Variants in FGD6 observed in about 807,000 individuals in gnomAD.
FGD6 encodes the protein FYVE, RhoGEF and PH domain-containing protein 6.
In FGD6, 90 loss-of-function variants were observed where a neutral mutation model predicts 149.4. The ratio of observed to expected loss-of-function variants is 0.60; its 90% CI spans 0.51 to 0.72. The LOEUF is 0.72. Ranked by LOEUF, FGD6 falls within the 30% of genes least tolerant of loss-of-function variation. FGD6 has a pLI of 0.00. For missense variants in FGD6, 1,437 were observed against 1,684.8 expected (o/e 0.85, Z 2.57); for synonymous variants, 527 against 584.0 (o/e 0.90, Z 1.41).
chr12:95,141,060 A>G (rs1382493472), intron 6 of FGD6, among the ~76,000 whole-genome samples: 3 of 152,062 alleles, frequency 2.0e-5, no homozygotes, highest in Non-Finnish European at 4.4e-5. Context: ...CATCTCTACT[A>G]AAAATACAAA....
chr12:95,197,719 G>A (rs909233675), intron 2 of FGD6, among the ~76,000 whole-genome samples: 3 of 152,162 alleles, frequency 2.0e-5, no homozygotes, highest in Non-Finnish European at 4.4e-5. Context: ...AGAACAAAAT[G>A]AGAAACAGGG....
chr12:95,110,258 G>T (rs1264224246), intron 9 of FGD6, among the ~76,000 whole-genome samples: 22 of 152,010 alleles, frequency 1.4e-4, no homozygotes, highest in East Asian at 5.8e-4. Context: ...TTACAGGTGT[G>T]AGCCACCACA....
At chr12:95,150,425 C>G (rs1880277036) in intron 5 of FGD6, among the ~76,000 whole-genome samples, 2 of 152,044 alleles carry the variant, frequency 1.3e-5, no homozygotes, top group African/African-American at 2.4e-5. Flanking sequence ...ATAAGACAAC[C>G]AAAAACCTTC....
At chr12:95,085,569 T>C (rs1877839021) in intron 19 of FGD6, 3 of 529,764 alleles carry the variant, frequency 5.7e-6, no homozygotes, top group Non-Finnish European at 9.5e-6. Context: ...ATTTTAATAA[T>C]ATGGAAAATT....
At chr12:95,153,052 A>T in intron 3 of FGD6, 59 bp from the exon 4 acceptor site, 1 of 1,480,254 alleles carries the variant, frequency 6.8e-7, no homozygotes, top group East Asian at 2.3e-5. Flanking sequence ...ATCAGCTATG[A>T]GCTAGTCAGA....
Position 95,134,453 on chromosome 12 carries a change from G to A in FGD6, c.3082+286C>T, listed in dbSNP as rs144722076. 1.2e-3 allele frequency among the ~76,000 whole-genome samples: 183 copies of A among 152,220 alleles called. 1 individual carries two copies. Among genetic ancestry groups the A allele is most frequent in the Admixed American group, 1.8e-3 (28 of 15,270 alleles). ...ATATTAGCCAGGTGAAATGATGCACGGGTATGGGCTTGGGATGGTCAAAGA... is the reference window on the plus strand; with the variant it reads ...ATATTAGCCAGGTGAAATGATGCACAGGTATGGGCTTGGGATGGTCAAAGA... On this transcript the variant is annotated intron_variant, in intron 8 of 20. Coordinates refer to ENST00000343958, the MANE Select transcript of FGD6 (RefSeq NM_018351.4).
chr12:95,108,619 G>T lies in FGD6; in HGVS notation c.3134-58C>A, dbSNP rs937400402. 7 of 1,578,130 alleles carry T rather than the reference G, an allele frequency of 4.4e-6. No homozygotes were observed. The Admixed American group carries it at 6.7e-5, about 15-fold the overall frequency. ...TAATTACAATGGAAACAAATAGTTT[G>T]CAACATTAAGCAATTCCAGGGGACA... is the stretch of plus-strand genomic sequence containing the variant. On this transcript the variant is annotated intron_variant, in intron 9 of 20. Coordinates refer to ENST00000343958, the MANE Select transcript of FGD6 (RefSeq NM_018351.4).
chr12:95,098,054 TATATG>T (rs1878298510), intron 14 of FGD6, among the ~76,000 whole-genome samples: 1 of 152,134 alleles, frequency 6.6e-6, no homozygotes, highest in African/African-American at 2.4e-5. Flanking sequence ...GGTGCCCAAA[TATATG>T]TCTCTGGCCC....
intron 6 of FGD6, among the ~76,000 whole-genome samples, chr12:95,140,655 C>T (rs1428965591): frequency 6.6e-6 from 1 of 152,116 alleles, no homozygotes; most frequent in Non-Finnish European, 1.5e-5. Flanking sequence ...AACAACCATC[C>T]TATTATTTCA....
At chr12:95,100,076 A>G (rs1056062608) in intron 14 of FGD6, among the ~76,000 whole-genome samples, 1 of 108,612 alleles carries the variant, frequency 9.2e-6, no homozygotes, top group Non-Finnish European at 1.9e-5. Flanking sequence ...CCCACCCCAT[A>G]TAAGTTCTTG....
chr12:95,177,750 T>C (rs921019716), intron 2 of FGD6, among the ~76,000 whole-genome samples: 2 of 152,204 alleles, frequency 1.3e-5, no homozygotes, highest in Non-Finnish European at 2.9e-5. Context: ...GTAGTTATTA[T>C]AGCACACTAA....
chr12:95,213,642 C>T (rs1314198687), intron 1 of FGD6, among the ~76,000 whole-genome samples: 2 of 152,112 alleles, frequency 1.3e-5, no homozygotes, highest in Non-Finnish European at 2.9e-5. Context: ...ATTTAAATAT[C>T]ATTTTTAAAA....
At chr12:95,163,528 T>C (rs1484322969) in intron 3 of FGD6, among the ~76,000 whole-genome samples, 1 of 152,244 alleles carries the variant, frequency 6.6e-6, no homozygotes, top group East Asian at 1.9e-4. Context: ...CTTCTGCACA[T>C]AGCACGCTGC....
intron 14 of FGD6, chr12:95,101,020 C>G: frequency 3.1e-6 from 1 of 317,528 alleles, no homozygotes; most frequent in East Asian, 8.1e-5. Context: ...GAGGTTGCCA[C>G]CTTGATTGAT....
intron 3 of FGD6, among the ~76,000 whole-genome samples, chr12:95,170,392 G>C (rs1880956875): frequency 6.6e-6 from 1 of 152,068 alleles, no homozygotes; most frequent in Admixed American, 6.5e-5. Context: ...TGTAGTGTTA[G>C]CACTTTGGGA....
chr12:95,113,555 G>C, intron 9 of FGD6, 96 bp downstream of exon 9: 1 of 1,000,992 alleles, frequency 1.0e-6, no homozygotes, highest in Admixed American at 2.4e-5. Context: ...TATGAAGAGA[G>C]TTTGTAATGG....
At position 95,092,693 on chromosome 12, in the gene FGD6, G is replaced by A. The variant is rs142167724; in HGVS notation, c.3747+6C>T. On this transcript the variant is annotated splice_donor_region_variant and intron_variant, in intron 16 of 20. Transcript: ENST00000343958. ...CACAATGGAGATGGGTGTTATCATC[G>A]CCAACCTTTCCACAGGCCCGGCAGT... 1.5e-3 allele frequency: 2,372 copies of A among 1,613,378 alleles called. 20 individuals are homozygous for A. The African/African-American group carries it at 0.021, about 14-fold the overall frequency.
intron 2 of FGD6, among the ~76,000 whole-genome samples, chr12:95,178,753 T>C (rs1398269104): frequency 1.3e-5 from 2 of 152,182 alleles, no homozygotes; most frequent in Admixed American, 6.5e-5. Flanking sequence ...TTAAATTCTT[T>C]AGTATTCACA....
chr12:95,132,443 G>A (rs1181477004), intron 8 of FGD6, among the ~76,000 whole-genome samples: 2 of 152,096 alleles, frequency 1.3e-5, no homozygotes, highest in Admixed American at 6.6e-5. Flanking sequence ...TAGAACAGTC[G>A]TAGTGTGTAA....
Sources: allele counts gnomAD v4.1 joint callset (sites outside exome capture counted in the v4.1 genomes callset), GRCh38; gene constraint gnomAD v4.1.1; transcripts MANE v1.5; gene names NCBI Gene and HGNC (gene_info 2026-07-23, HGNC 2026-07-21).